Variants in ITPR2 observed in about 807,000 individuals in gnomAD.
ITPR2 encodes inositol 1,4,5-trisphosphate-gated calcium channel ITPR2.
Under a neutral mutation model 317.1 loss-of-function variants are expected in ITPR2, and 207 were observed. The ratio of observed to expected loss-of-function variants is 0.65; its 90% CI spans 0.58 to 0.73. ITPR2 has a LOEUF of 0.73. ITPR2 is among the 30% of genes least tolerant of loss of function. The pLI is 0.00. For missense variants in ITPR2, 2,613 were observed against 3,284.0 expected, an observed-to-expected ratio of 0.80 and a Z score of 4.99; for synonymous variants, 1,156 against 1,149.1, an observed-to-expected ratio of 1.01 and a Z score of -0.12.
intron 26 of ITPR2, among the ~76,000 whole-genome samples, chr12:26,611,327 A>T (rs1946261779): frequency 1.3e-5 from 2 of 152,206 alleles, no homozygotes; most frequent in Admixed American, 1.3e-4. Flanking sequence ...TCCTTACATC[A>T]CACATCCATT....
chr12:26,826,932 T>C (rs1436163824), intron 1 of ITPR2, among the ~76,000 whole-genome samples: 1 of 152,128 alleles, frequency 6.6e-6, no homozygotes, highest in Non-Finnish European at 1.5e-5. Flanking sequence ...TACACAGAAA[T>C]GTGAATATCT....
At chr12:26,726,923 T>C (rs1412044753) in intron 2 of ITPR2, among the ~76,000 whole-genome samples, 3 of 152,120 alleles carry the variant, frequency 2.0e-5, no homozygotes, top group African/African-American at 7.2e-5. Context: ...CCCCATGTGA[T>C]TGCCCCACCC....
At chr12:26,593,344 C>A (rs10506004) in intron 32 of ITPR2, among the ~76,000 whole-genome samples, 15,059 of 152,304 alleles carry the variant, frequency 0.099, 1,026 homozygotes, top group South Asian at 0.17. Flanking sequence ...AACTGCTCAA[C>A]TGAACTGAAA....
chr12:26,633,587 C>T (rs576753439), intron 21 of ITPR2, among the ~76,000 whole-genome samples: 5 of 152,310 alleles, frequency 3.3e-5, no homozygotes, highest in Non-Finnish European at 7.3e-5. Flanking sequence ...TTTGAGCCAG[C>T]CCCTCTTTTC....
At chr12:26,659,967 A>G (rs1478494690) in intron 15 of ITPR2, among the ~76,000 whole-genome samples, 1 of 152,226 alleles carries the variant, frequency 6.6e-6, no homozygotes, top group Non-Finnish European at 1.5e-5. Flanking sequence ...TAATCACTTT[A>G]TTGATTAGAT....
chr12:26,687,137 A>G (rs1176451261), intron 10 of ITPR2, among the ~76,000 whole-genome samples: 1 of 152,174 alleles, frequency 6.6e-6, no homozygotes, highest in Non-Finnish European at 1.5e-5. Context: ...AGAACATACT[A>G]TAATTGCATA....
chr12:26,562,563 A>G (rs536131047), intron 34 of ITPR2, among the ~76,000 whole-genome samples: 1 of 152,354 alleles, frequency 6.6e-6, no homozygotes, highest in African/African-American at 2.4e-5. Context: ...TTGCAAGGCA[A>G]AATGAAGATG....
intron 34 of ITPR2, among the ~76,000 whole-genome samples, chr12:26,571,219 C>T (rs1945150947): frequency 6.6e-6 from 1 of 152,138 alleles, no homozygotes; most frequent in African/African-American, 2.4e-5. Flanking sequence ...ACATGATATA[C>T]ATGGTATATT....
chr12:26,724,862 G>A, intron 3 of ITPR2, 120 bp from the exon 4 acceptor site: 1 of 604,404 alleles, frequency 1.7e-6, no homozygotes, highest in Non-Finnish European at 2.9e-6. Flanking sequence ...TAGTAGTAGA[G>A]TCAGGACTGT....
At position 26,656,349 on chromosome 12, in the gene ITPR2, C is replaced by T. The variant is rs972185608; in HGVS notation, c.2392G>A (p.Val798Ile). 1.2e-6 allele frequency: 2 copies of T among 1,614,044 alleles called. No individual in the cohort carries two copies. Among genetic ancestry groups the T allele is most frequent in the African/African-American group, 1.3e-5 (1 of 74,906 alleles). ...DRDPQESVVP[V>I]RYARLWTEIP... Reference sequence around the variant, plus strand: ...TCTGTCCAGAGCCTGGCATAGCGAACAGGCACCACGGACTCCTGGGGATCC... The same window carrying T: ...TCTGTCCAGAGCCTGGCATAGCGAATAGGCACCACGGACTCCTGGGGATCC... The change falls in exon 19 of 57, where the codon GTT becomes ATT. Residue 798 changes from valine (V) to isoleucine (I), a missense_variant. Transcript: ENST00000381340.
chr12:26,814,488 C>T (rs1950814198), intron 1 of ITPR2, among the ~76,000 whole-genome samples: 1 of 152,122 alleles, frequency 6.6e-6, no homozygotes, highest in African/African-American at 2.4e-5. Flanking sequence ...AGTTCTTTAT[C>T]ACATCCAGGA....
intron 30 of ITPR2, 44 bp from the exon 31 acceptor site, chr12:26,597,178 A>G (rs754159794): frequency 2.6e-5 from 41 of 1,606,072 alleles, no homozygotes; most frequent in Non-Finnish European, 3.1e-5. Context: ...CCGAACATTC[A>G]TCCTTGCAGT....
chr12:26,746,364 A>G (rs1013406973), intron 2 of ITPR2, among the ~76,000 whole-genome samples: 2 of 152,232 alleles, frequency 1.3e-5, no homozygotes, highest in East Asian at 3.8e-4. Context: ...TAGAGAAGAC[A>G]GAGCTAGTGT....
At chr12:26,364,645 C>T (rs140624343) in intron 55 of ITPR2, among the ~76,000 whole-genome samples, 2 of 152,304 alleles carry the variant, frequency 1.3e-5, no homozygotes, top group East Asian at 3.9e-4. Flanking sequence ...CCAACCTCTG[C>T]TCATTCAGCA....
In ITPR2 at chr12:26,399,031, A is replaced by C; in HGVS notation, c.7541T>G (p.Phe2514Cys). The C allele has an allele frequency of 6.3e-7, 1 of 1,579,170 alleles. No homozygotes were observed. Among genetic ancestry groups the C allele is most frequent in the Non-Finnish European group, 8.5e-7 (1 of 1,170,288 alleles). ...AAGGTCATAAACCACTCGGGCAGCA[A>C]ACAAGGGCTCCTGAAATAAAAATAT... ...LRRPSKDEPL[F>C]AARVVYDLLF... The change falls in exon 54 of 57, where the codon TTT (phenylalanine) becomes TGT (cysteine). Residue 2514 changes from phenylalanine (F) to cysteine (C), a missense_variant. Physicochemically the swap from Phe to Cys is radical, Grantham distance 205 (BLOSUM62 -2). Transcript: ENST00000381340.
At chr12:26,444,627 G>C (rs570223390) in intron 45 of ITPR2, among the ~76,000 whole-genome samples, 1 of 152,254 alleles carries the variant, frequency 6.6e-6, no homozygotes, top group African/African-American at 2.4e-5. Flanking sequence ...GAACTTGTTT[G>C]TGATAACATA....
intron 8 of ITPR2, among the ~76,000 whole-genome samples, chr12:26,713,833 A>T (rs949415351): frequency 2.0e-5 from 3 of 152,180 alleles, no homozygotes. Context: ...GTGAAAATGC[A>T]TGCTTTAATT....
At chr12:26,672,166 C>A (rs1289451102) in intron 13 of ITPR2, among the ~76,000 whole-genome samples, 1 of 151,748 alleles carries the variant, frequency 6.6e-6, no homozygotes, top group South Asian at 2.1e-4. Flanking sequence ...ACAAGGATAC[C>A]CAGGAATTGA....
intron 34 of ITPR2, among the ~76,000 whole-genome samples, chr12:26,569,901 A>G (rs753002312): frequency 1.3e-5 from 2 of 152,234 alleles, no homozygotes; most frequent in Non-Finnish European, 2.9e-5. Context: ...GAAGTGAAAT[A>G]ACCCAAAAAG....
Sources: allele counts gnomAD v4.1 joint callset (sites outside exome capture counted in the v4.1 genomes callset), GRCh38; gene constraint gnomAD v4.1.1; transcripts MANE v1.5; gene names NCBI Gene and HGNC (gene_info 2026-07-23, HGNC 2026-07-21).